Variants in CAMK1D observed in about 807,000 individuals in gnomAD.
CAMK1D encodes the protein calcium/calmodulin dependent protein kinase ID, also known as calcium/calmodulin-dependent protein kinase type 1D.
A neutral mutation model predicts 47.7 loss-of-function variants in CAMK1D; 9 were observed. The observed-to-expected ratio is 0.19, with a 90% CI of 0.11 to 0.33. CAMK1D has a LOEUF of 0.33. CAMK1D is among the 10% of genes least tolerant of loss of function. The pLI, the probability that CAMK1D is intolerant of heterozygous loss-of-function variation, is 1.00. For synonymous variants in CAMK1D, 184 were observed against 184.9 expected (o/e 0.99, Z 0.04); for missense variants, 291 against 488.7 (o/e 0.60, Z 3.81).
intron 3 of CAMK1D, among the ~76,000 whole-genome samples, chr10:12,751,883 A>G (rs1836003214): frequency 1.3e-5 from 2 of 151,762 alleles, no homozygotes; most frequent in South Asian, 2.1e-4. Context: ...GACTTCACCA[A>G]CAAAGGCAGT....
chr10:12,627,286 A>G (rs566565281), intron 2 of CAMK1D, among the ~76,000 whole-genome samples: 7 of 151,866 alleles, frequency 4.6e-5, no homozygotes, highest in Admixed American at 1.3e-4. Flanking sequence ...GGGTTTCACC[A>G]TGTTAGCCAG....
At chr10:12,386,577 A>G (rs1274444782) in intron 1 of CAMK1D, among the ~76,000 whole-genome samples, 5 of 152,210 alleles carry the variant, frequency 3.3e-5, no homozygotes, top group Admixed American at 2.0e-4. Flanking sequence ...GCAGAATGTT[A>G]TTGAAGGACG....
At chr10:12,693,902 T>G (rs1381593112) in intron 3 of CAMK1D, among the ~76,000 whole-genome samples, 1 of 112,168 alleles carries the variant, frequency 8.9e-6, no homozygotes, top group South Asian at 2.4e-4. Context: ...ATATAAAATA[T>G]ATATATAATA....
intron 1 of CAMK1D, among the ~76,000 whole-genome samples, chr10:12,478,649 T>G (rs923110371): frequency 6.6e-6 from 1 of 152,110 alleles, no homozygotes; most frequent in African/African-American, 2.4e-5. Context: ...CCAAGGTACT[T>G]GAGGAGTCAG....
chr10:12,449,941 T>C (rs1337952945), intron 1 of CAMK1D, among the ~76,000 whole-genome samples: 1 of 151,928 alleles, frequency 6.6e-6, no homozygotes, highest in Non-Finnish European at 1.5e-5. Context: ...GAGGTTGCAG[T>C]GAGCCGAGAT....
chr10:12,814,126 C>A, intron 6 of CAMK1D, 69 bp from the exon 7 acceptor site: 1 of 1,026,044 alleles, frequency 9.7e-7, no homozygotes, highest in Non-Finnish European at 1.5e-6. Flanking sequence ...CTCTTCCTTC[C>A]AGGCAAAGTG....
chr10:12,511,471 T>TAC (rs1835037597), intron 1 of CAMK1D, among the ~76,000 whole-genome samples: 1 of 151,750 alleles, frequency 6.6e-6, no homozygotes, highest in Admixed American at 6.6e-5. Flanking sequence ...ATTGGTCAGG[T>TAC]GTGGTGGTGC....
At chr10:12,605,117 G>A (rs1014961347) in intron 2 of CAMK1D, among the ~76,000 whole-genome samples, 1 of 152,050 alleles carries the variant, frequency 6.6e-6, no homozygotes, top group African/African-American at 2.4e-5. Flanking sequence ...TCGATCTCCT[G>A]ACCTTGTATC....
intron 5 of CAMK1D, among the ~76,000 whole-genome samples, chr10:12,771,600 G>T (rs1588907677): frequency 6.6e-6 from 1 of 152,204 alleles, no homozygotes; most frequent in Non-Finnish European, 1.5e-5. Flanking sequence ...GAAGCAGCAG[G>T]GTTTAGAAGC....
chr10:12,791,902 T>G (rs1487832957), intron 6 of CAMK1D, among the ~76,000 whole-genome samples: 1 of 152,228 alleles, frequency 6.6e-6, no homozygotes, highest in Non-Finnish European at 1.5e-5. Flanking sequence ...TGCAGTTTTC[T>G]GTAGCAGCAG....
chr10:12,764,388 A>AAAAAAAC (rs1325019568), intron 4 of CAMK1D, among the ~76,000 whole-genome samples: 4 of 151,312 alleles, frequency 2.6e-5, no homozygotes, highest in Non-Finnish European at 4.4e-5. Context: ...TCTCAAAAAA[A>AAAAAAAC]AAAAAAAAAA....
At chr10:12,714,807 A>G (rs1269674852) in intron 3 of CAMK1D, among the ~76,000 whole-genome samples, 1 of 86,566 alleles carries the variant, frequency 1.2e-5, no homozygotes, top group African/African-American at 4.5e-5. Flanking sequence ...CACACACACA[A>G]TGTCTGATTA....
Position 12,828,230 on chromosome 10 carries a change from A to G in CAMK1D, c.1040-539A>G, listed in dbSNP as rs142059451. ...GTGAAACCATGTTGTTTTCAAACAC[A>G]AAGCAGTTAAAATTACACCAAAAAA... On this transcript the variant is annotated intron_variant, in intron 10 of 10. Coordinates refer to ENST00000619168, the MANE Select transcript of CAMK1D (RefSeq NM_153498.4). Among the ~76,000 whole-genome samples, 213 of 152,328 alleles carry G rather than the reference A, an allele frequency of 1.4e-3. 1 individual carries two copies. The highest frequency in any genetic ancestry group is 4.8e-3 in the African/African-American group (198 of 41,580).
In CAMK1D at chr10:12,745,850, C is replaced by T. The variant is rs148260298; in HGVS notation, c.300-15098C>T. On this transcript the variant is annotated intron_variant, in intron 3 of 10. Coordinates refer to ENST00000619168, the MANE Select transcript of CAMK1D (RefSeq NM_153498.4). Reference sequence around the variant, plus strand: ...AACCGCTGACCTCAGCTGATCCATGCGCTTCGGCCCCCCAAAGTGCTGGGA... The same window carrying T: ...AACCGCTGACCTCAGCTGATCCATGTGCTTCGGCCCCCCAAAGTGCTGGGA... 3.1e-3 allele frequency among the ~76,000 whole-genome samples: 472 copies of T among 152,226 alleles called. 1 individual carries two copies. Among genetic ancestry groups the T allele is most frequent in the Admixed American group, 4.9e-3 (75 of 15,290 alleles).
At chr10:12,813,624 G>T (rs1026669944) in intron 6 of CAMK1D, among the ~76,000 whole-genome samples, 2 of 152,114 alleles carry the variant, frequency 1.3e-5, no homozygotes, top group Non-Finnish European at 2.9e-5. Flanking sequence ...CTTTGATCAT[G>T]ACCTGAGTTG....
At chr10:12,773,226 CTCTT>C (rs1837122425) in intron 5 of CAMK1D, among the ~76,000 whole-genome samples, 1 of 152,216 alleles carries the variant, frequency 6.6e-6, no homozygotes, top group African/African-American at 2.4e-5. Flanking sequence ...TTTTCTTTCT[CTCTT>C]CCCCTTCCAT....
chr10:12,573,118 T>G (rs1278638241), intron 2 of CAMK1D, among the ~76,000 whole-genome samples: 1 of 152,230 alleles, frequency 6.6e-6, no homozygotes, highest in Non-Finnish European at 1.5e-5. Context: ...TTTGGACACT[T>G]CTTTCCTTCC....
At chr10:12,821,235 G>A (rs1394650946) in intron 8 of CAMK1D, among the ~76,000 whole-genome samples, 9 of 152,176 alleles carry the variant, frequency 5.9e-5, no homozygotes, top group East Asian at 1.9e-4. Flanking sequence ...GACTCTAGTC[G>A]GTTTGACTCA....
rs114023529 is a variant in CAMK1D at position 12,739,017 on chromosome 10, G to A, written c.300-21931G>A. Among the ~76,000 whole-genome samples, 1,411 of 152,124 alleles carry A rather than the reference G, an allele frequency of 9.3e-3. 27 individuals are homozygous for A. Among genetic ancestry groups the A allele is most frequent in the African/African-American group, 0.032 (1,329 of 41,480 alleles). The stretch of plus-strand genomic sequence containing the variant: ...CCAGCACTTTGGAAGATGGTGGATC[G>A]CTTGAGCCGAGAAGTTTGAGACCAG... On this transcript the variant is annotated intron_variant, in intron 3 of 10. Coordinates refer to ENST00000619168, the MANE Select transcript of CAMK1D (RefSeq NM_153498.4).
Sources: allele counts gnomAD v4.1 joint callset (sites outside exome capture counted in the v4.1 genomes callset), GRCh38; gene constraint gnomAD v4.1.1; transcripts MANE v1.5; gene names NCBI Gene and HGNC (gene_info 2026-07-23, HGNC 2026-07-21).